GLYATL1: variants seen among roughly 807,000 people sequenced by gnomAD.
The protein encoded by GLYATL1 is glycine-N-acyltransferase like 1, also known as glycine N-acyltransferase-like protein 1.
Under a neutral mutation model 20.0 loss-of-function variants are expected in GLYATL1, and 15 were observed. The observed-to-expected ratio is 0.75, with a 90% confidence interval of 0.50 to 1.15. GLYATL1 has a LOEUF of 1.15. Among genes scored for constraint, GLYATL1 ranks in the 50% most tolerant of loss-of-function variants. GLYATL1 has a pLI of 0.00. For missense variants in GLYATL1, 380 were observed against 368.5 expected (o/e 1.03, Z -0.26); for synonymous variants, 151 against 131.5 (o/e 1.15, Z -1.01).
At position 58,928,200 on chromosome 11, in the gene GLYATL1, G is replaced by A. The variant is rs189452066; in HGVS notation, c.-212+371G>A. 8 of 152,300 alleles carry A rather than the reference G, an allele frequency of 5.3e-5. No homozygotes were observed. In the East Asian group the frequency reaches 5.8e-4, roughly 11 times the overall value. 9.4% of individuals were successfully genotyped at this position (152,300 alleles called of 1,614,324 possible). ...GCTCCACTAGCCTTAAGCAGCTGTT[G>A]TAATACTTTTATATAATGTTTCTGC... On this transcript the variant is annotated intron_variant, in intron 1 of 7. Coordinates refer to the GLYATL1 transcript ENST00000317391.
In GLYATL1 at chr11:58,943,634, C is replaced by A. The variant is rs1856342594; in HGVS notation, c.-75C>A. 6.2e-7 allele frequency: 1 copy of A among 1,613,594 alleles called. No homozygotes were observed. The highest frequency in any genetic ancestry group is 8.5e-7 in the Non-Finnish European group (1 of 1,179,596). The stretch of plus-strand genomic sequence containing the variant: ...AGGTACCTGCAGGATCCAATTGTGT[C>A]CATTGATCTCTCAGAGTGGCTGAGG... On this transcript the variant is annotated 5_prime_UTR_variant, in exon 2 of 7. Coordinates refer to ENST00000532726, the MANE Select transcript of GLYATL1 (RefSeq NM_001389712.2).
downstream of GLYATL1, among the ~76,000 whole-genome samples, chr11:58,911,393 T>G (rs1471950366): frequency 2.0e-5 from 3 of 152,336 alleles, no homozygotes; most frequent in Non-Finnish European, 4.4e-5. Flanking sequence ...TAAGAAATTG[T>G]CAAAATCTTC....
chr11:58,914,867 TTATTTGCCTTTCTGGC>T (rs1855134103), intron 1 of GLYATL1, among the ~76,000 whole-genome samples: 1 of 152,196 alleles, frequency 6.6e-6, no homozygotes, highest in Non-Finnish European at 1.5e-5. Flanking sequence ...TTCTGGTGCA[TTATTTGCCTTTCTGGC>T]TATTTTGCTA....
chr11:58,907,347 C>T (rs1446590067), exon 2 of GLYATL1: 5 of 456,126 alleles, frequency 1.1e-5, no homozygotes, highest in Middle Eastern at 3.2e-4. Context: ...CCCTTCCTTG[C>T]GACACTGGCC....
upstream of GLYATL1, among the ~76,000 whole-genome samples, chr11:58,923,239 C>G (rs1421470713): frequency 6.6e-6 from 1 of 152,170 alleles, no homozygotes; most frequent in East Asian, 1.9e-4. Context: ...GTGAGATGCA[C>G]GTAGAATTGT....
At chr11:58,939,041 AT>A (rs150894909), upstream of GLYATL1, among the ~76,000 whole-genome samples, 799 of 152,000 alleles carry the variant, frequency 5.3e-3, 6 homozygotes, top group Non-Finnish European at 6.8e-3. Context: ...CCCATAGAGA[AT>A]TTTTTTTGTA....
At chr11:58,916,872 G>C (rs576936641) in intron 1 of GLYATL1, 1 of 152,384 alleles carries the variant, frequency 6.6e-6, no homozygotes, top group African/African-American at 2.4e-5. Flanking sequence ...AAAGGGGCTC[G>C]AGAGCACTGG....
In GLYATL1 at chr11:58,954,882, G is replaced by A. The variant is rs1167312597; in HGVS notation, c.299G>A (p.Arg100Lys). The A allele has an allele frequency of 4.3e-6, 7 of 1,610,640 alleles. No individual in the cohort carries two copies. Among genetic ancestry groups the A allele is most frequent in the South Asian group, 1.1e-5 (1 of 90,010 alleles). ...KNCEIVNWKQ[R>K]LQIQGLQESL... ...TGTGAGATCGTAAACTGGAAACAGA[G>A]ACTCCAAATCCAAGGTAACGAGTCT... The change falls in exon 5 of 7, where the codon AGA (arginine) becomes AAA (lysine). Residue 100 changes from arginine (R) to lysine (K), a missense_variant. Arg to Lys is a conservative substitution (Grantham distance 26, BLOSUM62 2). Transcript: ENST00000532726.
Position 58,955,743 on chromosome 11 carries a change from T to C in GLYATL1, c.625T>C (p.Cys209Arg). Residue 209 changes from cysteine to arginine, a missense_variant, in exon 7 of 7, where the codon TGT becomes CGT. By Grantham distance (180) the Cys-to-Arg change is radical. Transcript: ENST00000532726. ...KRCIEDLPAA[C>R]MLGPEGVPVS... ...CTGCATAGAAGACCTGCCAGCAGCC[T>C]GTATGCTCGGCCCAGAGGGAGTCCC... 1 of 1,614,194 alleles carries C rather than the reference T, an allele frequency of 6.2e-7. No individual in the cohort carries two copies. The highest frequency in any genetic ancestry group is 8.5e-7 in the Non-Finnish European group (1 of 1,180,028).
At chr11:58,924,495 A>G (rs1423111997), upstream of GLYATL1, among the ~76,000 whole-genome samples, 1 of 152,202 alleles carries the variant, frequency 6.6e-6, no homozygotes, top group African/African-American at 2.4e-5. Context: ...AGGTTTGTAA[A>G]CTATTCCCTG....
At chr11:58,913,471 T>G (rs1855099017), downstream of GLYATL1, among the ~76,000 whole-genome samples, 2 of 152,226 alleles carry the variant, frequency 1.3e-5, 1 homozygote, top group South Asian at 4.1e-4. Flanking sequence ...TCGTCTCTCA[T>G]TGGCCAGCAC....
chr11:58,932,282 T>G (rs907195714), intron 1 of GLYATL1, among the ~76,000 whole-genome samples: 7 of 152,058 alleles, frequency 4.6e-5, no homozygotes, highest in Non-Finnish European at 8.8e-5. Flanking sequence ...ATACCAAGCT[T>G]CAAGCTTTGA....
chr11:58,938,588 C>G (rs1855942298), upstream of GLYATL1, among the ~76,000 whole-genome samples: 1 of 152,124 alleles, frequency 6.6e-6, no homozygotes, highest in Non-Finnish European at 1.5e-5. Flanking sequence ...CTAAGCTAGG[C>G]CCGGAGAGCC....
chr11:58,919,711 C>T (rs998536320), intron 1 of GLYATL1, among the ~76,000 whole-genome samples: 3 of 152,214 alleles, frequency 2.0e-5, no homozygotes, highest in African/African-American at 7.2e-5. Flanking sequence ...CAAATTTTCA[C>T]AGGATGTGGC....
intron 1 of GLYATL1, among the ~76,000 whole-genome samples, chr11:58,916,160 G>C (rs1205215941): frequency 6.6e-6 from 1 of 152,024 alleles, no homozygotes; most frequent in Non-Finnish European, 1.5e-5. Flanking sequence ...TTTGGAATGG[G>C]GACTTTTCTG....
chr11:58,955,704 C>A lies in GLYATL1; in HGVS notation c.586C>A (p.His196Asn). The A allele has an allele frequency of 6.2e-7, 1 of 1,614,156 alleles. No individual in the cohort carries two copies. Among genetic ancestry groups the A allele is most frequent in the South Asian group, 1.1e-5 (1 of 91,076 alleles). Reference protein sequence around the residue: ...WKRGKNERSLHYIKRCIEDLP... With the variant: ...WKRGKNERSLNYIKRCIEDLP... The stretch of plus-strand genomic sequence containing the variant: ...GCGAGGGAAGAATGAGAGGAGCCTG[C>A]ATTACATCAAGCGCTGCATAGAAGA... Residue 196 changes from histidine (H) to asparagine (N), a missense_variant, in exon 7 of 7, where the codon CAT becomes AAT. Coordinates refer to ENST00000532726, the MANE Select transcript of GLYATL1 (RefSeq NM_001389712.2).
intron 5 of GLYATL1, 31 bp from the exon 6 acceptor site, chr11:58,955,145 G>C: frequency 6.2e-7 from 1 of 1,600,462 alleles, no homozygotes; most frequent in Admixed American, 1.7e-5. Flanking sequence ...CTCCATGTCT[G>C]ACAAGATTGC....
chr11:58,954,890 A>C lies in GLYATL1; in HGVS notation c.307A>C (p.Ile103Leu). 2 of 1,606,662 alleles carry C rather than the reference A, an allele frequency of 1.2e-6. No individual in the cohort carries two copies. Reference protein sequence around the residue: ...EIVNWKQRLQIQGLQESLGEG... With the variant: ...EIVNWKQRLQLQGLQESLGEG... Reference sequence around the variant, plus strand: ...CGTAAACTGGAAACAGAGACTCCAAATCCAAGGTAACGAGTCTGAAGAAAT... The same window carrying C: ...CGTAAACTGGAAACAGAGACTCCAACTCCAAGGTAACGAGTCTGAAGAAAT... Residue 103 changes from isoleucine to leucine, a missense_variant, in exon 5 of 7, where the codon ATC becomes CTC. By Grantham distance (5) the Ile-to-Leu change is conservative. Transcript: ENST00000532726.
intron 1 of GLYATL1, among the ~76,000 whole-genome samples, chr11:58,906,197 C>A (rs949819609): frequency 1.3e-5 from 2 of 152,154 alleles, no homozygotes; most frequent in African/African-American, 4.8e-5. Context: ...CAGCCCAAAA[C>A]CAAGGAGGTT....
Sources: gnomAD v4.1 joint callset for allele counts (sites outside exome capture counted in the v4.1 genomes callset) on GRCh38, gnomAD v4.1.1 for gene constraint, MANE v1.5 for transcripts, NCBI Gene and HGNC (gene_info 2026-07-23, HGNC 2026-07-21) for gene names.